Variants in BAZ2B observed in about 807,000 individuals in gnomAD.
BAZ2B encodes the protein bromodomain adjacent to zinc finger domain protein 2B.
In BAZ2B, 91 loss-of-function variants were observed where a neutral mutation model predicts 246.0. The observed-to-expected ratio is 0.37, with a 90% CI of 0.31 to 0.44. The LOEUF (loss-of-function observed/expected upper bound fraction) is 0.44. Among genes scored for constraint, BAZ2B ranks in the 20% least tolerant of loss-of-function variants. BAZ2B has a pLI of 1.00. For missense variants in BAZ2B, 2,332 were observed against 2,533.7 expected (o/e 0.92, Z 1.71); for synonymous variants, 855 against 860.0 (o/e 0.99, Z 0.10).
chr2:159,560,167 A>T (rs1183843071), intron 1 of BAZ2B, among the ~76,000 whole-genome samples: 3 of 152,232 alleles, frequency 2.0e-5, no homozygotes, highest in African/African-American at 7.2e-5. Flanking sequence ...TACAAACTAA[A>T]GATATTTATC....
chr2:159,675,400 G>A, the BAZ2B span, among the ~76,000 whole-genome samples: 1 of 152,042 alleles, frequency 6.6e-6, no homozygotes, highest in African/African-American at 2.4e-5. Context: ...GTATACATCA[G>A]TGAAGCTATT....
chr2:159,400,649 T>G lies in BAZ2B; in HGVS notation c.2848A>C (p.Ile950Leu), dbSNP rs765685485. Residue 950 changes from isoleucine to leucine, a missense_variant, in exon 17 of 37, where the codon ATA becomes CTA. Around this residue, in one of 9 missense-constraint regions of BAZ2B, gnomAD observed 651 missense variants for 650.9 expected, o/e 1.00. Coordinates refer to ENST00000392783, the MANE Select transcript of BAZ2B (RefSeq NM_013450.4). ...TCTTTTTCCATTCTGATTTGCTGTA[T>G]TCTCTTAATTTTTTCCTGTAGGAAA... is the stretch of plus-strand genomic sequence containing the variant. ...IMKQQEKIKR[I>L]QQIRMEKELR... The G allele has an allele frequency of 1.3e-6, 2 of 1,569,924 alleles. 1 individual carries two copies. Among genetic ancestry groups the G allele is most frequent in the South Asian group, 2.3e-5 (2 of 87,350 alleles).
intron 26 of BAZ2B, 135 bp from the exon 27 acceptor site, chr2:159,373,324 T>A (rs1343525925): frequency 1.6e-6 from 1 of 631,482 alleles, no homozygotes; most frequent in Non-Finnish European, 2.4e-6. Flanking sequence ...AAGGTCTAAA[T>A]ATTCATGCCT....
At chr2:159,317,887 T>C (rs1303407898), downstream of BAZ2B, among the ~76,000 whole-genome samples, 1 of 152,200 alleles carries the variant, frequency 6.6e-6, no homozygotes, top group African/African-American at 2.4e-5. Flanking sequence ...CACTGTCATG[T>C]GCTCCAACCG....
chr2:159,627,311 T>A, the BAZ2B span, among the ~76,000 whole-genome samples: 5 of 149,908 alleles, frequency 3.3e-5, no homozygotes, highest in African/African-American at 1.2e-4. Flanking sequence ...ATCCTCCCTC[T>A]TTTTATGAGG....
chr2:159,331,365 A>C (rs1039860657), intron 34 of BAZ2B, among the ~76,000 whole-genome samples: 1 of 152,010 alleles, frequency 6.6e-6, no homozygotes, highest in Non-Finnish European at 1.5e-5. Flanking sequence ...CTAACACCTT[A>C]TTTATTTATT....
At chr2:159,389,225 T>C (rs2063031496) in intron 21 of BAZ2B, 120 bp downstream of exon 21, 1 of 1,066,570 alleles carries the variant, frequency 9.4e-7, no homozygotes, top group Non-Finnish European at 1.3e-6. Flanking sequence ...GAGTTGGAAA[T>C]TCACTGCTAT....
At chr2:159,600,301 T>C (rs1402107945) in intron 1 of BAZ2B, among the ~76,000 whole-genome samples, 1 of 152,142 alleles carries the variant, frequency 6.6e-6, no homozygotes, top group Non-Finnish European at 1.5e-5. Context: ...ATCACATTGC[T>C]ACAAAATCTT....
intron 3 of BAZ2B, among the ~76,000 whole-genome samples, chr2:159,473,025 T>C (rs1252480475): frequency 6.6e-6 from 1 of 152,236 alleles, no homozygotes; most frequent in Non-Finnish European, 1.5e-5. Context: ...GAATTCCCTC[T>C]TTTTCTATTG....
At chr2:159,618,667 G>C (rs931995908), upstream of BAZ2B, among the ~76,000 whole-genome samples, 3 of 149,772 alleles carry the variant, frequency 2.0e-5, no homozygotes, top group Admixed American at 6.6e-5. Flanking sequence ...TATGCGTAAA[G>C]TATTGAATAT....
At chr2:159,374,836 T>C (rs377148490) in intron 25 of BAZ2B, 83 bp from the exon 26 acceptor site, 20 of 1,224,410 alleles carry the variant, frequency 1.6e-5, no homozygotes, top group African/African-American at 7.5e-5. Context: ...AAGTCTCCTA[T>C]AGGCACTGCG....
chr2:159,485,361 T>C (rs2079699988), intron 2 of BAZ2B, among the ~76,000 whole-genome samples: 1 of 152,146 alleles, frequency 6.6e-6, no homozygotes, highest in African/African-American at 2.4e-5. Context: ...AATATGTTCA[T>C]AGGAAAAAGA....
At chr2:159,686,323 C>A in the BAZ2B span, among the ~76,000 whole-genome samples, 1 of 152,108 alleles carries the variant, frequency 6.6e-6, no homozygotes, top group Admixed American at 6.6e-5. Flanking sequence ...GTTTACCTCA[C>A]CAGAGAGATC....
At chr2:159,643,227 T>C in the BAZ2B span, among the ~76,000 whole-genome samples, 1 of 152,186 alleles carries the variant, frequency 6.6e-6, no homozygotes, top group African/African-American at 2.4e-5. Flanking sequence ...CAAAATTTTT[T>C]TCTTATAGTT....
At chr2:159,676,952 T>TTATATATATATATA in the BAZ2B span, among the ~76,000 whole-genome samples, 21 of 117,816 alleles carry the variant, frequency 1.8e-4, no homozygotes, top group East Asian at 7.6e-4. Flanking sequence ...AATAGTTTTG[T>TTATATATATATATA]TATATATATA....
chr2:159,622,193 C>A, the BAZ2B span, among the ~76,000 whole-genome samples: 1 of 130,384 alleles, frequency 7.7e-6, no homozygotes, highest in African/African-American at 2.9e-5. Context: ...CGCTTGAGTC[C>A]AAGAGGTCAA....
intron 33 of BAZ2B, among the ~76,000 whole-genome samples, 162 bp downstream of exon 33, chr2:159,336,780 G>C (rs759608363): frequency 6.6e-6 from 1 of 152,168 alleles, no homozygotes; most frequent in Non-Finnish European, 1.5e-5. Flanking sequence ...GGTTCCTTCA[G>C]TAAGGAGGAA....
At chr2:159,527,979 C>T (rs1394962606) in intron 2 of BAZ2B, among the ~76,000 whole-genome samples, 1 of 152,110 alleles carries the variant, frequency 6.6e-6, no homozygotes, top group Non-Finnish European at 1.5e-5. Flanking sequence ...ATATACACAC[C>T]TCTTGCTTTA....
chr2:159,415,443 T>TAAAAAA (rs2067530535), intron 13 of BAZ2B, among the ~76,000 whole-genome samples: 1 of 14,408 alleles, frequency 6.9e-5, no homozygotes, highest in African/African-American at 1.0e-4. Context: ...AGACTCCGTC[T>TAAAAAA]CAAAAAAAAA....
Sources: gnomAD v4.1 joint callset for allele counts (sites outside exome capture counted in the v4.1 genomes callset) on GRCh38, gnomAD v4.1.1 for gene constraint, gnomAD v4.1.1 regional missense constraint, MANE v1.5 for transcripts, NCBI Gene and HGNC (gene_info 2026-07-23, HGNC 2026-07-21) for gene names.